The following EPG5 variants were observed in gnomAD, a reference collection of about 807,000 sequenced individuals.
The protein encoded by EPG5 is ectopic P-granules 5 autophagy tethering factor, also known as ectopic P granules protein 5 homolog.
EPG5 carries 159 observed loss-of-function variants against 302.7 expected under a neutral mutation model. The observed-to-expected ratio is 0.53, with a 90% CI of 0.46 to 0.60. EPG5 has a LOEUF of 0.60. EPG5 is among the 20% of genes least tolerant of loss of function. The pLI, the probability that EPG5 is intolerant of heterozygous loss-of-function variation, is 0.00. For synonymous variants in EPG5, 1,158 were observed against 1,136.8 expected (o/e 1.02, Z -0.37); for missense variants, 2,896 against 3,092.4 (o/e 0.94, Z 1.51).
At chr18:45,801,155 G>T in the EPG5 span, among the ~76,000 whole-genome samples, 1 of 152,112 alleles carries the variant, frequency 6.6e-6, no homozygotes, top group Non-Finnish European at 1.5e-5. Flanking sequence ...TCCTGCCTTA[G>T]CCTCCCAAGT....
chr18:45,925,716 A>G (rs1312771502), intron 14 of EPG5, 22 bp downstream of exon 14: 1 of 1,444,788 alleles, frequency 6.9e-7, no homozygotes, highest in Non-Finnish European at 9.1e-7. Flanking sequence ...TCCAGTCTCC[A>G]GGGAATGGTT....
chr18:45,844,434 A>T (rs761425474), downstream of EPG5, among the ~76,000 whole-genome samples: 52 of 152,356 alleles, frequency 3.4e-4, no homozygotes, highest in Non-Finnish European at 5.7e-4. Context: ...AACGGTAAGT[A>T]CTTGAGGTGA....
At chr18:45,952,267 GA>G (rs1208278884) in intron 3 of EPG5, 132 bp downstream of exon 3, 2 of 1,019,218 alleles carry the variant, frequency 2.0e-6, no homozygotes, top group Non-Finnish European at 2.9e-6. Context: ...TACAGTGGGG[GA>G]GGCCTGGTAA....
At chr18:45,834,375 A>T in the EPG5 span, among the ~76,000 whole-genome samples, 1 of 152,214 alleles carries the variant, frequency 6.6e-6, no homozygotes, top group Non-Finnish European at 1.5e-5. Flanking sequence ...GAGTGTCTGG[A>T]CAAGACACAC....
rs2048430867 is a variant in EPG5 at position 45,852,106 on chromosome 18, TAAAAC to T, written c.*356_*360del. On this transcript the variant is annotated 3_prime_UTR_variant, in exon 44 of 44. Transcript: ENST00000282041. ...GGTTGTCAGATCTGGAACATTTACA[TAAAAC>T]AGAGACAGAAGTGGAAACATACAAA... is the stretch of plus-strand genomic sequence containing the variant. 5.9e-6 allele frequency: 1 copy of T among 169,958 alleles called. No homozygotes were observed. The highest frequency in any genetic ancestry group is 2.4e-5 in the African/African-American group (1 of 42,022). The allele number at this position is 169,958 out of a possible 1,614,324, so 10.5% of individuals were successfully genotyped here. A position where few individuals can be genotyped will look rare whatever the true frequency, so the allele number is the denominator to read the frequency against.
At chr18:45,862,412 A>G (rs1352000288) in intron 39 of EPG5, among the ~76,000 whole-genome samples, 2 of 152,178 alleles carry the variant, frequency 1.3e-5, no homozygotes, top group Non-Finnish European at 2.9e-5. Flanking sequence ...CCTGAAAGTA[A>G]GTGATACGGT....
chr18:45,903,982 G>T lies in EPG5; in HGVS notation c.4465C>A (p.Pro1489Thr). 6.2e-7 allele frequency: 1 copy of T among 1,608,442 alleles called. No individual in the cohort carries two copies. The highest frequency in any genetic ancestry group is 8.5e-7 in the Non-Finnish European group (1 of 1,178,920). ...SLSVQLDFTDPLLAKERVLSN... is the reference protein window; with the variant it reads ...SLSVQLDFTDTLLAKERVLSN... ...TGCTCCCAGGACCCACCCAGCAAAG[G>T]ATCAGTGAAGTCCAGCTGCACGGAC... The change falls in exon 25 of 44, where the codon CCT becomes ACT. Residue 1489 changes from proline to threonine, a missense_variant. By Grantham distance (38) the Pro-to-Thr change is conservative (BLOSUM62 -1). Around this residue, in one of 5 missense-constraint regions of EPG5, gnomAD observed 790 missense variants for 798.0 expected, o/e 0.99. Coordinates refer to ENST00000282041, the MANE Select transcript of EPG5 (RefSeq NM_020964.3).
intron 12 of EPG5, among the ~76,000 whole-genome samples, 173 bp from the exon 13 acceptor site, chr18:45,929,182 G>A (rs979069626): frequency 1.4e-4 from 21 of 152,190 alleles, no homozygotes; most frequent in Non-Finnish European, 2.6e-4. Flanking sequence ...CTCTGAGGCC[G>A]AAAGGTGCAG....
intron 38 of EPG5, 100 bp from the exon 39 acceptor site, chr18:45,865,859 A>G: frequency 7.6e-7 from 1 of 1,308,680 alleles, no homozygotes; most frequent in South Asian, 1.4e-5. Context: ...ATGCTTGGGT[A>G]GGGAGTAGAG....
chr18:45,823,143 G>C, the EPG5 span, among the ~76,000 whole-genome samples: 1 of 152,178 alleles, frequency 6.6e-6, no homozygotes, highest in East Asian at 1.9e-4. Context: ...TGAACAACAA[G>C]CTAGGAGTTA....
At chr18:45,962,145 A>C (rs1352800047) in intron 1 of EPG5, among the ~76,000 whole-genome samples, 7 of 152,158 alleles carry the variant, frequency 4.6e-5, no homozygotes, top group Admixed American at 4.6e-4. Flanking sequence ...TTGTTTAATA[A>C]ATGAATGGCT....
chr18:45,817,650 T>C, the EPG5 span, among the ~76,000 whole-genome samples: 3 of 152,244 alleles, frequency 2.0e-5, no homozygotes, highest in Admixed American at 2.0e-4. Context: ...CCCTCACTGC[T>C]ATTGGTGAGA....
chr18:45,801,013 G>A, the EPG5 span, among the ~76,000 whole-genome samples: 1 of 152,070 alleles, frequency 6.6e-6, no homozygotes, highest in South Asian at 2.1e-4. Flanking sequence ...TGTGTGTTTG[G>A]GTTTTTGTGT....
At chr18:45,802,564 CATCCA>C in the EPG5 span, among the ~76,000 whole-genome samples, 1 of 152,022 alleles carries the variant, frequency 6.6e-6, no homozygotes, top group Non-Finnish European at 1.5e-5. Flanking sequence ...TTTCCAGCTA[CATCCA>C]AACTTCCAAC....
intron 29 of EPG5, 55 bp downstream of exon 29, chr18:45,887,696 C>T (rs1315059120): frequency 2.2e-6 from 3 of 1,366,156 alleles, no homozygotes; most frequent in Non-Finnish European, 2.9e-6. Context: ...CCAAAGAAGA[C>T]AGACACCGCA....
chr18:45,963,942 G>C (rs540386100), intron 1 of EPG5, among the ~76,000 whole-genome samples: 5 of 152,294 alleles, frequency 3.3e-5, no homozygotes, highest in Middle Eastern at 6.8e-3. Context: ...AGAATCAAAA[G>C]AATATTTAGA....
At chr18:45,868,834 T>A (rs2048808760) in intron 36 of EPG5, among the ~76,000 whole-genome samples, 2 of 151,528 alleles carry the variant, frequency 1.3e-5, no homozygotes, top group East Asian at 2.0e-4. Flanking sequence ...GGCAGGTGGA[T>A]CACAAGATCA....
In EPG5 at chr18:45,899,716, C is replaced by T. The variant is rs1320522745; in HGVS notation, c.4647-150G>A. 1.9e-5 allele frequency: 14 copies of T among 731,690 alleles called. No individual in the cohort carries two copies. The Admixed American group carries it at 2.3e-4, about 12-fold the overall frequency. The allele number at this position is 731,690 out of a possible 1,614,324, so 45.3% of individuals were successfully genotyped here. On this transcript the variant is annotated intron_variant, in intron 26 of 43. Transcript: ENST00000282041. ...GAGGACCAAAGGTTGTGAGCCAAGA[C>T]TTACCCAAATCATCCCCCAGCAGAG...
intron 39 of EPG5, among the ~76,000 whole-genome samples, chr18:45,862,134 T>C (rs2048648354): frequency 6.6e-6 from 1 of 152,226 alleles, no homozygotes; most frequent in African/African-American, 2.4e-5. Context: ...CTTTGGAACA[T>C]TCTAACTTCA....
Sources: allele counts gnomAD v4.1 joint callset (sites outside exome capture counted in the v4.1 genomes callset), GRCh38; gene constraint gnomAD v4.1.1; regional missense constraint gnomAD v4.1.1; transcripts MANE v1.5; gene names NCBI Gene and HGNC (gene_info 2026-07-23, HGNC 2026-07-21).